OOSP1: variants seen among roughly 807,000 people sequenced by gnomAD.
OOSP1 encodes oocyte secreted protein 1.
OOSP1 carries 11 observed loss-of-function variants against 5.7 expected under a neutral mutation model. That is an observed-to-expected ratio of 1.94 (90% CI 1.22 to 3.20). The LOEUF is 3.20. OOSP1 is among the 30% of genes most tolerant of loss of function. The pLI, the probability that OOSP1 is intolerant of heterozygous loss-of-function variation, is 0.00. For missense variants in OOSP1, 83 were observed against 54.1 expected, an observed-to-expected ratio of 1.53 and a Z score of -1.67; for synonymous variants, 44 against 20.0, an observed-to-expected ratio of 2.20 and a Z score of -3.20.
Position 59,939,379 on chromosome 11 carries a change from G to A in OOSP1, c.76+849G>A, listed in dbSNP as rs555462955. Among the ~76,000 whole-genome samples the A allele has an allele frequency of 1.9e-4, 29 of 151,976 alleles. No homozygotes were observed. In the South Asian group the frequency reaches 6.1e-3, roughly 32 times the overall value. The stretch of plus-strand genomic sequence containing the variant: ...TGATTCTTGTGCCTCAGCCTCCCAA[G>A]TAGCTGGCACTGCAGATGTGCACCA... On this transcript the variant is annotated intron_variant, in intron 1 of 4. Coordinates refer to ENST00000646685, the Ensembl canonical transcript of OOSP1.
intron 4 of OOSP1, among the ~76,000 whole-genome samples, chr11:59,955,335 C>T (rs1853983956): frequency 6.6e-6 from 1 of 151,878 alleles, no homozygotes; most frequent in Non-Finnish European, 1.5e-5. Context: ...TTTTTCATAT[C>T]TTTATGGTTT....
intron 3 of OOSP1, among the ~76,000 whole-genome samples, chr11:59,946,001 A>G (rs1853879363): frequency 6.6e-6 from 1 of 152,014 alleles, no homozygotes; most frequent in Non-Finnish European, 1.5e-5. Context: ...ATCTCCCGAG[A>G]ACTGTATCAT....
At chr11:59,941,901 T>C (rs1853831105) in intron 1 of OOSP1, among the ~76,000 whole-genome samples, 1 of 152,214 alleles carries the variant, frequency 6.6e-6, no homozygotes, top group Non-Finnish European at 1.5e-5. Flanking sequence ...TTATTCATCT[T>C]AGCCATTGTG....
chr11:59,955,694 C>A (rs546020215), intron 4 of OOSP1, among the ~76,000 whole-genome samples: 1 of 152,122 alleles, frequency 6.6e-6, no homozygotes, highest in Non-Finnish European at 1.5e-5. Flanking sequence ...CTATGGCTCA[C>A]TGCAGCCTCA....
chr11:59,951,773 G>GTTT (rs60435750), intron 4 of OOSP1, among the ~76,000 whole-genome samples: 2 of 57,994 alleles, frequency 3.4e-5, no homozygotes, highest in African/African-American at 6.4e-5. Context: ...CAGTGGCACA[G>GTTT]TTTTTTTTTT....
chr11:59,940,923 T>C (rs1487755947), intron 1 of OOSP1, among the ~76,000 whole-genome samples: 1 of 152,216 alleles, frequency 6.6e-6, no homozygotes, highest in Non-Finnish European at 1.5e-5. Context: ...CTTCACACAA[T>C]GGTAACATCT....
chr11:59,950,561 G>T (rs1853929799), intron 4 of OOSP1, among the ~76,000 whole-genome samples: 1 of 152,184 alleles, frequency 6.6e-6, no homozygotes, highest in South Asian at 2.1e-4. Flanking sequence ...GGGCAGAGTG[G>T]GGTCCTGGGA....
rs183349842 is a variant in OOSP1 at position 59,941,140 on chromosome 11, G to A, written c.77-1707G>A. Among the ~76,000 whole-genome samples the A allele has an allele frequency of 2.8e-3, 432 of 152,194 alleles. 2 individuals carry two copies. Among genetic ancestry groups the A allele is most frequent in the African/African-American group, 9.9e-3 (409 of 41,506 alleles). The stretch of plus-strand genomic sequence containing the variant: ...TTTCTACAATTTTGTCATTTCAAGG[G>A]TGTTATATAAATGGGCTCAGAGTTT... On this transcript the variant is annotated intron_variant, in intron 1 of 4. Coordinates refer to ENST00000646685, the Ensembl canonical transcript of OOSP1.
At chr11:59,942,849 A>G (rs938207854) in exon 2 of OOSP1, 1 of 701,638 alleles carries the variant, frequency 1.4e-6, no homozygotes, top group South Asian at 1.5e-5. Flanking sequence ...CTTTTCAGCT[A>G]TTCAAGTACA....
intron 4 of OOSP1, among the ~76,000 whole-genome samples, chr11:59,955,594 C>T (rs1853987247): frequency 6.6e-6 from 1 of 151,950 alleles, no homozygotes; most frequent in African/African-American, 2.4e-5. Flanking sequence ...CTTTCCTACA[C>T]AGTGTGCCAA....
intron 3 of OOSP1, among the ~76,000 whole-genome samples, 193 bp from the exon 4 acceptor site, chr11:59,947,540 T>G (rs1853898950): frequency 6.6e-6 from 1 of 152,122 alleles, no homozygotes. Context: ...GTTTTTTAAG[T>G]CTTTGCTTCT....
At chr11:59,945,477 C>T (rs1853871831) in intron 3 of OOSP1, 3 of 599,892 alleles carry the variant, frequency 5.0e-6, no homozygotes, top group African/African-American at 1.8e-5. Flanking sequence ...CACGGTGGCT[C>T]ACACCTGTAA....
chr11:59,946,597 A>G (rs1853886233), intron 3 of OOSP1, among the ~76,000 whole-genome samples: 1 of 152,208 alleles, frequency 6.6e-6, no homozygotes, highest in Non-Finnish European at 1.5e-5. Context: ...TTTTCTATAT[A>G]AGTGTCAGGG....
chr11:59,956,348 G>A (rs1853993858), intron 4 of OOSP1, among the ~76,000 whole-genome samples: 1 of 152,070 alleles, frequency 6.6e-6, no homozygotes, highest in Admixed American at 6.6e-5. Flanking sequence ...GTGAGTGGCA[G>A]GGCTGCCAGT....
rs139486461 is a variant in OOSP1 at position 59,945,834 on chromosome 11, A to G, written c.356+568A>G. On this transcript the variant is annotated intron_variant, in intron 3 of 4. Coordinates refer to ENST00000646685, the Ensembl canonical transcript of OOSP1. ...AGTTTAATTGGCTCATTGTTCTGCAAGCTGTGCAGGAAGCATGGCTGGGGA... is the reference window on the plus strand; with the variant it reads ...AGTTTAATTGGCTCATTGTTCTGCAGGCTGTGCAGGAAGCATGGCTGGGGA... Among the ~76,000 whole-genome samples, 779 of 151,828 alleles carry G rather than the reference A, an allele frequency of 5.1e-3. 9 individuals are homozygous for G. Among genetic ancestry groups the G allele is most frequent in the African/African-American group, 0.017 (714 of 41,378 alleles).
chr11:59,957,428 T>TA, exon 5 of OOSP1: 3 of 383,046 alleles, frequency 7.8e-6, no homozygotes, highest in Non-Finnish European at 1.4e-5. Context: ...TGTGTCATCA[T>TA]ACGTGTTCAT....
chr11:59,945,371 T>C, intron 3 of OOSP1, 105 bp downstream of exon 3: 3 of 698,588 alleles, frequency 4.3e-6, no homozygotes, highest in South Asian at 1.5e-5. Flanking sequence ...GTGATGGGAG[T>C]TGGGGAGACA....
chr11:59,955,589 C>T (rs759599936), intron 4 of OOSP1, among the ~76,000 whole-genome samples: 8 of 152,060 alleles, frequency 5.3e-5, no homozygotes, highest in East Asian at 3.9e-4. Flanking sequence ...TCCTGCTTTC[C>T]TACACAGTGT....
At chr11:59,949,918 T>G (rs1233136357) in intron 4 of OOSP1, among the ~76,000 whole-genome samples, 1 of 152,158 alleles carries the variant, frequency 6.6e-6, no homozygotes, top group Non-Finnish European at 1.5e-5. Flanking sequence ...CTTTGTTCAT[T>G]ACAGTGATGG....
Sources: gnomAD v4.1 joint callset for allele counts (sites outside exome capture counted in the v4.1 genomes callset) on GRCh38, gnomAD v4.1.1 for gene constraint, MANE v1.5 for transcripts, NCBI Gene and HGNC (gene_info 2026-07-23, HGNC 2026-07-21) for gene names.